PCOLCE2: variants seen among roughly 807,000 people sequenced by gnomAD.
PCOLCE2 encodes procollagen C-endopeptidase enhancer 2.
PCOLCE2 carries 42 observed loss-of-function variants against 47.0 expected under a neutral mutation model. The ratio of observed to expected loss-of-function variants is 0.89; its 90% confidence interval spans 0.70 to 1.16. PCOLCE2 has a LOEUF of 1.16. PCOLCE2 is among the 50% of genes most tolerant of loss of function. The probability of loss-of-function intolerance (pLI) is 0.00; values close to 1 mark genes in which losing one functional copy is unlikely to be tolerated. For synonymous variants in PCOLCE2, 169 were observed against 191.7 expected (o/e 0.88, Z 0.98); for missense variants, 500 against 526.1 (o/e 0.95, Z 0.49).
intron 3 of PCOLCE2, among the ~76,000 whole-genome samples, chr3:142,843,971 C>T (rs747857318): frequency 3.9e-5 from 6 of 151,954 alleles, no homozygotes; most frequent in Non-Finnish European, 7.4e-5. Context: ...AATATAATGA[C>T]CTCCTACATA....
At chr3:142,867,439 CTG>C (rs1933308173) in intron 2 of PCOLCE2, among the ~76,000 whole-genome samples, 1 of 152,132 alleles carries the variant, frequency 6.6e-6, no homozygotes, top group African/African-American at 2.4e-5. Flanking sequence ...TCAAAAGTAA[CTG>C]TTAATGAGTA....
chr3:142,821,959 C>T (rs560430436), intron 7 of PCOLCE2, among the ~76,000 whole-genome samples: 152 of 151,952 alleles, frequency 1.0e-3, no homozygotes, highest in African/African-American at 3.5e-3. Flanking sequence ...CTCTTGTTGC[C>T]CAGGCTGGAC....
intron 3 of PCOLCE2, among the ~76,000 whole-genome samples, chr3:142,846,346 C>T (rs1298266117): frequency 6.6e-6 from 1 of 152,166 alleles, no homozygotes; most frequent in Non-Finnish European, 1.5e-5. Context: ...TACATGAGTG[C>T]ACCACCATGC....
intron 2 of PCOLCE2, among the ~76,000 whole-genome samples, chr3:142,853,024 T>G (rs1486504486): frequency 6.6e-6 from 1 of 150,990 alleles, no homozygotes; most frequent in African/African-American, 2.4e-5. Context: ...GAGGATTACT[T>G]GAGCCTGGGA....
At chr3:142,848,504 C>A in intron 2 of PCOLCE2, 32 bp from the exon 3 acceptor site, 2 of 1,567,234 alleles carry the variant, frequency 1.3e-6, no homozygotes, top group South Asian at 2.3e-5. Flanking sequence ...AGAAAACTGT[C>A]ATGAAAACAA....
intron 2 of PCOLCE2, among the ~76,000 whole-genome samples, chr3:142,861,278 C>G (rs1933178802): frequency 6.6e-6 from 1 of 152,208 alleles, no homozygotes; most frequent in Non-Finnish European, 1.5e-5. Flanking sequence ...AACAAAGATG[C>G]ACCTTGGTGT....
At chr3:142,873,367 C>T (rs115580241) in intron 2 of PCOLCE2, among the ~76,000 whole-genome samples, 9,399 of 146,406 alleles carry the variant, frequency 0.064, 342 homozygotes, top group African/African-American at 0.1. Flanking sequence ...CACTCCAGCC[C>T]GGGCAACTAG....
intron 2 of PCOLCE2, among the ~76,000 whole-genome samples, chr3:142,876,257 T>C (rs1226773257): frequency 1.3e-5 from 2 of 152,224 alleles, no homozygotes; most frequent in Non-Finnish European, 2.9e-5. Flanking sequence ...ATAAGTATAA[T>C]ATTTCATGAA....
In PCOLCE2 at chr3:142,842,875, T is replaced by A; in HGVS notation, c.573+49A>T. On this transcript the variant is annotated intron_variant, in intron 4 of 8. Coordinates refer to ENST00000295992, the MANE Select transcript of PCOLCE2 (RefSeq NM_013363.4). The surrounding 1 kb of genome is among the most constrained non-coding windows in gnomAD (Gnocchi z 4.1). Reference sequence around the variant, plus strand: ...TTGAGAGTTGGTGGGCCCCCCACACTGGGCAATTCACACATGCATGCTTTC... The same window carrying A: ...TTGAGAGTTGGTGGGCCCCCCACACAGGGCAATTCACACATGCATGCTTTC... 1.2e-6 allele frequency: 2 copies of A among 1,602,874 alleles called. No individual in the cohort carries two copies. The highest frequency in any genetic ancestry group is 1.7e-6 in the Non-Finnish European group (2 of 1,171,738).
intron 2 of PCOLCE2, among the ~76,000 whole-genome samples, chr3:142,872,862 T>C (rs1354239661): frequency 6.6e-6 from 1 of 152,146 alleles, no homozygotes; most frequent in African/African-American, 2.4e-5. Flanking sequence ...TATTAATTCA[T>C]CCTCAGAATA....
intron 3 of PCOLCE2, chr3:142,843,431 A>C (rs1937290220): frequency 2.6e-6 from 1 of 380,978 alleles, no homozygotes; most frequent in Non-Finnish European, 5.0e-6. Flanking sequence ...CCAGGGACAA[A>C]ATTTGAATTA....
At chr3:142,841,074 C>CA (rs59679467) in intron 4 of PCOLCE2, among the ~76,000 whole-genome samples, 37,830 of 93,130 alleles carry the variant, frequency 0.41, 5,692 homozygotes, top group African/African-American at 0.49. Flanking sequence ...GACTCCGTCT[C>CA]AAAAAAAAAA....
At chr3:142,888,554 C>T (rs1433375869) in intron 1 of PCOLCE2, 26 of 389,518 alleles carry the variant, frequency 6.7e-5, no homozygotes, top group Admixed American at 4.5e-5. Context: ...AGCCCCGCCA[C>T]GTGGTGGCCA....
chr3:142,865,407 T>A (rs758995628), intron 2 of PCOLCE2, among the ~76,000 whole-genome samples: 6 of 152,188 alleles, frequency 3.9e-5, no homozygotes, highest in Admixed American at 6.5e-5. Flanking sequence ...GATGAACATC[T>A]GAGTCACACT....
chr3:142,842,786 T>C lies in PCOLCE2; in HGVS notation c.573+138A>G. 2 of 773,112 alleles carry C rather than the reference T, an allele frequency of 2.6e-6. No homozygotes were observed. Among genetic ancestry groups the C allele is most frequent in the South Asian group, 1.9e-5 (1 of 52,262 alleles). 47.9% of individuals were successfully genotyped at this position (773,112 alleles called of 1,614,324 possible). A position where few individuals can be genotyped will look rare whatever the true frequency, so the allele number is the denominator to read the frequency against. On this transcript the variant is annotated intron_variant, in intron 4 of 8. Transcript: ENST00000295992. The surrounding 1 kb of genome is among the most constrained non-coding windows in gnomAD (Gnocchi z 4.1). The stretch of plus-strand genomic sequence containing the variant: ...GGGTCTTCGCATGAAGAAATACCTG[T>C]GTCCAGGAACCTTCCTCTTCTTGTA...
At chr3:142,824,912 G>A (rs1937057088) in intron 6 of PCOLCE2, among the ~76,000 whole-genome samples, 1 of 152,192 alleles carries the variant, frequency 6.6e-6, no homozygotes, top group South Asian at 2.1e-4. Context: ...ACAGGTGTAA[G>A]CCACCGCGCC....
intron 7 of PCOLCE2, among the ~76,000 whole-genome samples, chr3:142,822,689 G>T (rs1470330074): frequency 6.6e-6 from 1 of 152,152 alleles, no homozygotes; most frequent in Non-Finnish European, 1.5e-5. Flanking sequence ...CCAGTTATTT[G>T]AATTTCAGCA....
chr3:142,880,747 A>C (rs780350911), intron 2 of PCOLCE2, among the ~76,000 whole-genome samples: 2 of 152,258 alleles, frequency 1.3e-5, no homozygotes, highest in Non-Finnish European at 2.9e-5. Flanking sequence ...GCAATGTTAC[A>C]GGAATGGCTT....
In PCOLCE2 at chr3:142,848,346, A is replaced by G; in HGVS notation, c.319T>C (p.Cys107Arg). 1.2e-6 allele frequency: 2 copies of G among 1,614,258 alleles called. No individual in the cohort carries two copies. The highest frequency in any genetic ancestry group is 1.7e-6 in the Non-Finnish European group (2 of 1,180,046). Residue 107 changes from cysteine (C) to arginine (R), a missense_variant, in exon 3 of 9, where the codon TGT (cysteine) becomes CGT (arginine). Transcript: ENST00000295992. Reference sequence around the variant, plus strand: ...AGGGCTCCAGGCCGGAAAGTGCCACAGAAGCGGCCAATGCGCTGGCCATTG... The same window carrying G: ...AGGGCTCCAGGCCGGAAAGTGCCACGGAAGCGGCCAATGCGCTGGCCATTG... ...HANGQRIGRF[C>R]GTFRPGALVS...
Sources: allele counts gnomAD v4.1 joint callset (sites outside exome capture counted in the v4.1 genomes callset), GRCh38; gene constraint gnomAD v4.1.1; non-coding constraint Gnocchi (gnomAD v3.1); transcripts MANE v1.5; gene names NCBI Gene and HGNC (gene_info 2026-07-23, HGNC 2026-07-21).